SLC38A6: variants seen among roughly 807,000 people sequenced by gnomAD.
SLC38A6 encodes the protein solute carrier family 38 member 6.
In SLC38A6, 73 loss-of-function variants were observed where a neutral mutation model predicts 65.0. The ratio of observed to expected loss-of-function variants is 1.12; its 90% CI spans 0.93 to 1.37. The LOEUF (loss-of-function observed/expected upper bound fraction) is 1.37. Among genes scored for constraint, SLC38A6 ranks in the 40% most tolerant of loss-of-function variants. The probability of loss-of-function intolerance (pLI) is 0.00; values close to 1 mark genes in which losing one functional copy is unlikely to be tolerated. For synonymous variants in SLC38A6, 183 were observed against 178.8 expected (o/e 1.02, Z -0.19); for missense variants, 561 against 531.1 (o/e 1.06, Z -0.55).
At chr14:61,077,718 A>G (rs748929064) in intron 15 of SLC38A6, among the ~76,000 whole-genome samples, 7 of 152,096 alleles carry the variant, frequency 4.6e-5, no homozygotes, top group Non-Finnish European at 7.4e-5. Flanking sequence ...GACTACATAA[A>G]TAGACTTGTA....
rs200337109 is a variant in SLC38A6, at chr14:60,981,404, C to T, written c.105+22C>T. On this transcript the variant is annotated intron_variant, in intron 1 of 15. Transcript: ENST00000267488. ...CAACGTAAGTGGGCTGTGTTCGCTT[C>T]CCCGCGCTGACGCCCTCCGGCTTCC... 38 of 1,568,658 alleles carry T rather than the reference C, an allele frequency of 2.4e-5. No individual in the cohort carries two copies. In the East Asian group the frequency reaches 8.5e-4, roughly 35 times the overall value.
Position 60,981,358 on chromosome 14 carries a change from A to C in SLC38A6, c.81A>C (p.Glu27Asp). Residue 27 changes from glutamate (E) to aspartate (D), a missense_variant, in exon 1 of 16, where the codon GAA becomes GAC. Physicochemically the swap from Glu to Asp is conservative, Grantham distance 45. Coordinates refer to ENST00000267488, the MANE Select transcript of SLC38A6 (RefSeq NM_153811.3). ...SVQQPEEAEA[E>D]ELSPLLSNEL... ...AGCAGCCTGAAGAAGCGGAGGCCGA[A>C]GAGTTGAGTCCGTTGCTAAGCAACG... The C allele has an allele frequency of 6.2e-7, 1 of 1,607,878 alleles. No homozygotes were observed.
At chr14:61,016,149 T>C (rs954197118) in intron 4 of SLC38A6, among the ~76,000 whole-genome samples, 193 bp downstream of exon 4, 2 of 152,208 alleles carry the variant, frequency 1.3e-5, no homozygotes, top group African/African-American at 4.8e-5. Context: ...AATGCATCAA[T>C]ACATTTAATT....
At chr14:61,019,495 A>T in intron 4 of SLC38A6, 46 bp from the exon 5 acceptor site, 1 of 1,593,014 alleles carries the variant, frequency 6.3e-7, no homozygotes, top group South Asian at 1.1e-5. Flanking sequence ...TGATCCTTTT[A>T]TATTGTTTCC....
At chr14:60,994,469 C>T (rs557144950) in intron 3 of SLC38A6, among the ~76,000 whole-genome samples, 19 of 152,178 alleles carry the variant, frequency 1.2e-4, no homozygotes, top group Non-Finnish European at 1.8e-4. Context: ...CGCTTGAACC[C>T]GGGAGTTGGA....
intron 4 of SLC38A6, among the ~76,000 whole-genome samples, chr14:61,016,298 CAAGAA>C (rs2040005017): frequency 1.3e-5 from 2 of 152,012 alleles, no homozygotes; most frequent in South Asian, 2.1e-4. Flanking sequence ...CTCATAAAGA[CAAGAA>C]AAGAAAAGCA....
chr14:61,014,818 C>G (rs890206529), intron 3 of SLC38A6, among the ~76,000 whole-genome samples: 8 of 152,220 alleles, frequency 5.3e-5, no homozygotes, highest in Non-Finnish European at 1.2e-4. Flanking sequence ...CCCAGTTAGG[C>G]TCCTCGGGGG....
Position 61,019,963 on chromosome 14 carries a change from C to T in SLC38A6, c.403+383C>T, listed in dbSNP as rs536720806. 1.7e-4 allele frequency among the ~76,000 whole-genome samples: 26 copies of T among 152,108 alleles called. 1 individual carries two copies. The East Asian group carries it at 3.7e-3, about 21-fold the overall frequency. On this transcript the variant is annotated intron_variant, in intron 5 of 15. Transcript: ENST00000267488. ...TACTACTTTAGAGGGATTAGTGTTC[C>T]GTGGGCTGTGAACAAGCAAGTATGG...
At chr14:61,019,610 A>G (rs758467837) in intron 5 of SLC38A6, 30 bp downstream of exon 5, 3 of 1,603,686 alleles carry the variant, frequency 1.9e-6, no homozygotes, top group South Asian at 1.1e-5. Context: ...CTGTTTATAC[A>G]TAAATGTGAT....
At chr14:61,061,177 CT>C (rs754649798) in intron 15 of SLC38A6, among the ~76,000 whole-genome samples, 4 of 152,236 alleles carry the variant, frequency 2.6e-5, no homozygotes, top group Admixed American at 1.3e-4. Flanking sequence ...GAAGCCTTTT[CT>C]GCACCTATTG....
At chr14:61,035,738 T>C (rs2041312660) in intron 6 of SLC38A6, among the ~76,000 whole-genome samples, 1 of 152,224 alleles carries the variant, frequency 6.6e-6, no homozygotes, top group South Asian at 2.1e-4. Context: ...ATTTTCTTCA[T>C]GTGTATTTAC....
chr14:60,992,851 CT>C (rs35754433), intron 3 of SLC38A6, among the ~76,000 whole-genome samples: 351 of 141,002 alleles, frequency 2.5e-3, no homozygotes, highest in Admixed American at 3.3e-3. Context: ...TGCCTCCAAA[CT>C]TTTTTTTTTT....
chr14:61,074,143 C>T (rs1204980126), intron 15 of SLC38A6, among the ~76,000 whole-genome samples: 1 of 152,148 alleles, frequency 6.6e-6, no homozygotes, highest in Non-Finnish European at 1.5e-5. Flanking sequence ...CACAGATTTT[C>T]AACTGTGTGG....
chr14:61,016,423 T>C (rs972793024), intron 4 of SLC38A6, among the ~76,000 whole-genome samples: 2 of 152,176 alleles, frequency 1.3e-5, no homozygotes, highest in Non-Finnish European at 2.9e-5. Flanking sequence ...CTCTCATTTA[T>C]AGGTGAGGAA....
At chr14:61,079,925 T>C (rs907715942) in intron 16 of SLC38A6, among the ~76,000 whole-genome samples, 3 of 152,250 alleles carry the variant, frequency 2.0e-5, no homozygotes, top group African/African-American at 7.2e-5. Context: ...TTCCCCAGCA[T>C]GTGTAGAGCT....
intron 15 of SLC38A6, among the ~76,000 whole-genome samples, chr14:61,067,565 A>C (rs1335246770): frequency 6.6e-6 from 1 of 152,192 alleles, no homozygotes; most frequent in Non-Finnish European, 1.5e-5. Flanking sequence ...CATTTTTAGC[A>C]ATGACATTAC....
At chr14:61,001,171 G>A (rs113173902) in intron 3 of SLC38A6, among the ~76,000 whole-genome samples, 1 of 152,178 alleles carries the variant, frequency 6.6e-6, no homozygotes, top group Admixed American at 6.5e-5. Flanking sequence ...GCCGGGGATT[G>A]GGGAGGGCAG....
chr14:61,005,404 A>C (rs1212585843), intron 3 of SLC38A6, among the ~76,000 whole-genome samples: 1 of 127,538 alleles, frequency 7.8e-6, no homozygotes, highest in Non-Finnish European at 1.8e-5. Flanking sequence ...CCCTGTTTGC[A>C]GATGACATGA....
At chr14:61,010,937 G>A (rs150412507) in intron 3 of SLC38A6, among the ~76,000 whole-genome samples, 47 of 152,258 alleles carry the variant, frequency 3.1e-4, no homozygotes, top group African/African-American at 6.0e-4. Flanking sequence ...TTGGTAGCTC[G>A]TTGGGGATGG....
Sources: allele counts gnomAD v4.1 joint callset (sites outside exome capture counted in the v4.1 genomes callset), GRCh38; gene constraint gnomAD v4.1.1; transcripts MANE v1.5; gene names NCBI Gene and HGNC (gene_info 2026-07-23, HGNC 2026-07-21).